The following RPS6KA3 variants were observed in gnomAD, a reference collection of about 807,000 sequenced individuals.
RPS6KA3 encodes the protein ribosomal protein S6 kinase A3, also known as ribosomal protein S6 kinase alpha-3.
Under a neutral mutation model 67.2 loss-of-function variants are expected in RPS6KA3, and 4 were observed. The observed-to-expected ratio is 0.06, with a 90% CI of 0.03 to 0.14. RPS6KA3 has a LOEUF of 0.14. RPS6KA3 is among the 10% of genes least tolerant of loss of function. The pLI, the probability that RPS6KA3 is intolerant of heterozygous loss-of-function variation, is 1.00. For synonymous variants in RPS6KA3, 182 were observed against 183.7 expected, an observed-to-expected ratio of 0.99 and a Z score of 0.07; for missense variants, 204 against 559.0, an observed-to-expected ratio of 0.36 and a Z score of 6.40.
intron 10 of RPS6KA3, among the ~76,000 whole-genome samples, chrX:20,185,939 T>C (rs111681760): frequency 8.9e-6 from 1 of 112,178 alleles, no homozygotes; most frequent in African/African-American, 3.2e-5. Context: ...GTGAAACATT[T>C]ATTTTATTTT....
At chrX:20,186,209 T>C in intron 10 of RPS6KA3, 87 bp downstream of exon 10, 1 of 653,538 alleles carries the variant, frequency 1.5e-6, no homozygotes, top group Non-Finnish European at 2.5e-6. Context: ...CCCAAAGTGC[T>C]GGGATTACAG....
intron 4 of RPS6KA3, among the ~76,000 whole-genome samples, chrX:20,201,872 A>G (rs1205767706): frequency 9.1e-6 from 1 of 110,259 alleles, no homozygotes; most frequent in Non-Finnish European, 1.9e-5. Context: ...AATTTGCTCA[A>G]TATTTCCTCA....
At chrX:20,225,248 T>G (rs374680438) in intron 2 of RPS6KA3, among the ~76,000 whole-genome samples, 1,420 of 89,372 alleles carry the variant, frequency 0.016, 32 homozygotes, top group African/African-American at 0.051. Flanking sequence ...TTTTTGTTTT[T>G]TTTTTTGTTT....
At chrX:20,197,937 C>T (rs1037180239) in intron 4 of RPS6KA3, among the ~76,000 whole-genome samples, 1 of 111,532 alleles carries the variant, frequency 9.0e-6, no homozygotes, top group Admixed American at 9.6e-5. Flanking sequence ...TTGACTGAAC[C>T]TGAGAATGAA....
At chrX:20,236,027 G>A (rs1410246115) in intron 1 of RPS6KA3, among the ~76,000 whole-genome samples, 1 of 111,343 alleles carries the variant, frequency 9.0e-6, no homozygotes, top group Admixed American at 9.5e-5. Context: ...TAGAAAGACA[G>A]TCACATGTAA....
chrX:20,206,611 T>C (rs1390263986), intron 3 of RPS6KA3, among the ~76,000 whole-genome samples: 3 of 112,402 alleles, frequency 2.7e-5, no homozygotes, highest in Non-Finnish European at 5.6e-5. Context: ...ATGGAACATT[T>C]AGTCTAGTGG....
Position 20,188,513 on chromosome X carries a change from A to T in RPS6KA3, c.615T>A (p.Gly205=). The T allele has an allele frequency of 9.7e-7, 1 of 1,028,184 alleles. No homozygotes were observed. The allele number at this position is 1,028,184 out of a possible 1,213,427, so 84.7% of individuals were successfully genotyped here. A position where few individuals can be genotyped will look rare whatever the true frequency, so the allele number is the denominator to read the frequency against. ...KPENILLDEE[G]HIKLTDFGLS... is the part of the protein sequence containing the mutation. ...TTTTTTTACCTGTTAACTTGATGTGACCTTCTTCATCAAGAAGTATACTGA... is the reference window on the plus strand; with the variant it reads ...TTTTTTTACCTGTTAACTTGATGTGTCCTTCTTCATCAAGAAGTATACTGA... Residue 205 remains glycine (G), a synonymous_variant, in exon 8 of 22, where the codon GGT becomes GGA. Transcript: ENST00000379565.
chrX:20,232,909 TG>T (rs2069310292), intron 2 of RPS6KA3, among the ~76,000 whole-genome samples: 1 of 111,450 alleles, frequency 9.0e-6, no homozygotes. Context: ...CGAAGATGGG[TG>T]GATCACTTGA....
intron 15 of RPS6KA3, 65 bp downstream of exon 15, chrX:20,172,681 T>C (rs1169233868): frequency 2.0e-6 from 2 of 1,013,403 alleles, no homozygotes; most frequent in African/African-American, 3.8e-5. Context: ...AGTGTAATTT[T>C]TAACTGGTAC....
intron 7 of RPS6KA3, among the ~76,000 whole-genome samples, chrX:20,192,447 C>A (rs898209760): frequency 9.2e-6 from 1 of 108,241 alleles, no homozygotes; most frequent in Non-Finnish European, 1.9e-5. Flanking sequence ...AGGAAAATAT[C>A]TGATCATAGA....
intron 2 of RPS6KA3, among the ~76,000 whole-genome samples, chrX:20,214,696 A>T (rs1234705206): frequency 9.0e-6 from 1 of 111,554 alleles, no homozygotes; most frequent in African/African-American, 3.3e-5. Context: ...GAATTCTAAC[A>T]TATCTTTGAT....
chrX:20,226,900 T>C (rs2069136358), intron 2 of RPS6KA3, among the ~76,000 whole-genome samples: 1 of 112,373 alleles, frequency 8.9e-6, no homozygotes, highest in East Asian at 2.8e-4. Flanking sequence ...GTTAAATCAA[T>C]ATTTAGTCTT....
intron 1 of RPS6KA3, among the ~76,000 whole-genome samples, chrX:20,257,344 T>C (rs1331043157): frequency 1.8e-5 from 2 of 112,015 alleles, no homozygotes; most frequent in African/African-American, 6.5e-5. Flanking sequence ...TAGCAGAGAG[T>C]AGAGAAAAAG....
chrX:20,188,098 G>T, intron 8 of RPS6KA3, 128 bp from the exon 9 acceptor site: 1 of 629,147 alleles, frequency 1.6e-6, no homozygotes, highest in African/African-American at 2.2e-5. Context: ...TTTTGAGACA[G>T]AGTCTCGCTC....
chrX:20,266,521 CGAG>C (rs1275436856), intron 1 of RPS6KA3, 40 bp downstream of exon 1: 27 of 1,068,642 alleles, frequency 2.5e-5, no homozygotes, highest in African/African-American at 3.7e-5. Context: ...GGCGGGGGCG[CGAG>C]GAGGAGATGC....
chrX:20,210,258 C>T (rs976533025), intron 2 of RPS6KA3, among the ~76,000 whole-genome samples: 1 of 111,946 alleles, frequency 8.9e-6, no homozygotes, highest in African/African-American at 3.2e-5. Context: ...AAGACACATA[C>T]GGTATGTTAT....
intron 7 of RPS6KA3, among the ~76,000 whole-genome samples, chrX:20,190,576 T>C (rs1712156456): frequency 8.9e-6 from 1 of 111,836 alleles, no homozygotes; most frequent in Non-Finnish European, 1.9e-5. Flanking sequence ...CACACATTTT[T>C]ATGAATGTTT....
At position 20,250,957 on chromosome X, in the gene RPS6KA3, C is replaced by T. The variant is rs2069847749; in HGVS notation, c.69+15607G>A. ...TCTTTATTCCTGACAGTCCAAGTTT[C>T]CTTCTTTTATCATTCTCTTTCAGGG... On this transcript the variant is annotated intron_variant, in intron 1 of 21. Coordinates refer to ENST00000379565, the MANE Select transcript of RPS6KA3 (RefSeq NM_004586.3). 2.7e-5 allele frequency among the ~76,000 whole-genome samples: 3 copies of T among 111,824 alleles called. No homozygotes were observed. The South Asian group carries it at 1.1e-3, about 42-fold the overall frequency.
upstream of RPS6KA3, chrX:20,266,961 C>G: frequency 1.3e-6 from 1 of 742,637 alleles, no homozygotes; most frequent in Non-Finnish European, 1.6e-6. Flanking sequence ...CCCGCCGGTT[C>G]CCGCGCCCGC....
Sources: gnomAD v4.1 joint callset for allele counts (sites outside exome capture counted in the v4.1 genomes callset) on GRCh38, gnomAD v4.1.1 for gene constraint, MANE v1.5 for transcripts, NCBI Gene and HGNC (gene_info 2026-07-23, HGNC 2026-07-21) for gene names.